Variants in NINJ2 observed in about 807,000 individuals in gnomAD.
The protein encoded by NINJ2 is ninjurin-2.
Under a neutral mutation model 11.7 loss-of-function variants are expected in NINJ2, and 12 were observed. The ratio of observed to expected loss-of-function variants is 1.02; its 90% CI spans 0.66 to 1.66. The LOEUF (loss-of-function observed/expected upper bound fraction) is 1.66, where lower values mean the gene tolerates loss of function less well. Among genes scored for constraint, NINJ2 ranks in the 40% most tolerant of loss-of-function variants. NINJ2 has a pLI of 0.00. For synonymous variants in NINJ2, 93 were observed against 76.8 expected (o/e 1.21, Z -1.10); for missense variants, 187 against 181.8 (o/e 1.03, Z -0.16).
At chr12:627,335 C>T (rs1234942550) in intron 1 of NINJ2, among the ~76,000 whole-genome samples, 1 of 152,178 alleles carries the variant, frequency 6.6e-6, no homozygotes, top group Non-Finnish European at 1.5e-5. Flanking sequence ...CCCTCCCTGC[C>T]TTGCAATCAA....
intron 1 of NINJ2, among the ~76,000 whole-genome samples, chr12:594,504 T>A (rs1947757527): frequency 6.6e-6 from 1 of 152,136 alleles, no homozygotes; most frequent in Non-Finnish European, 1.5e-5. Context: ...ACCAAAGAAC[T>A]GGGCCAGGTG....
At position 580,288 on chromosome 12, in the gene NINJ2, A is replaced by G. The variant is rs1947528262; in HGVS notation, c.34-14110T>C. ...GAGTGCTGAATGAATGAAGGAGTGAATGAATGATGCATTTGTCAGCAGTGC... is the reference window on the plus strand; with the variant it reads ...GAGTGCTGAATGAATGAAGGAGTGAGTGAATGATGCATTTGTCAGCAGTGC... On this transcript the variant is annotated intron_variant, in intron 1 of 3. Transcript: ENST00000305108. This position sits in a 1 kb window ranked among gnomAD's most constrained non-coding sequence, Gnocchi z 4.7. Among the ~76,000 whole-genome samples the G allele has an allele frequency of 6.6e-6, 1 of 152,078 alleles. No homozygotes were observed. Among genetic ancestry groups the G allele is most frequent in the African/African-American group, 2.4e-5 (1 of 41,378 alleles).
At chr12:599,767 T>G (rs1160142793) in intron 1 of NINJ2, among the ~76,000 whole-genome samples, 1 of 152,204 alleles carries the variant, frequency 6.6e-6, no homozygotes, top group Admixed American at 6.5e-5. Context: ...CTTGGCCTAC[T>G]GCCTCTCCTC....
At chr12:616,488 T>C (rs1285631481) in intron 1 of NINJ2, among the ~76,000 whole-genome samples, 2 of 152,180 alleles carry the variant, frequency 1.3e-5, no homozygotes, top group Non-Finnish European at 2.9e-5. Context: ...TGTTTGGAGA[T>C]GGAATCTAGA....
intron 1 of NINJ2, among the ~76,000 whole-genome samples, chr12:575,773 G>T (rs1393174226): frequency 6.6e-6 from 1 of 152,228 alleles, no homozygotes; most frequent in Non-Finnish European, 1.5e-5. Context: ...GGCTCTTTAA[G>T]GGTGGGGCTT....
chr12:610,636 G>A lies in NINJ2; in HGVS notation c.34-44458C>T, dbSNP rs546559022. The A allele has an allele frequency of 3.0e-6, 3 of 985,204 alleles. No homozygotes were observed. In the African/African-American group the frequency reaches 5.2e-5, roughly 17 times the overall value. The allele number at this position is 985,204 out of a possible 1,614,324, so 61.0% of individuals were successfully genotyped here. ...GGGTTACCAGGCAGGGACTTAATAT[G>A]TGGCTCTAGAGTCTGAAGGAGACAA... On this transcript the variant is annotated intron_variant, in intron 1 of 3. Transcript: ENST00000305108.
intron 1 of NINJ2, among the ~76,000 whole-genome samples, chr12:612,303 A>T (rs117243637): frequency 0.047 from 7,126 of 151,556 alleles, 252 homozygotes; most frequent in Non-Finnish European, 0.074. Flanking sequence ...CTAACACAAC[A>T]CTCTGTGGGG....
intron 1 of NINJ2, chr12:586,068 A>C (rs1368959002): frequency 6.6e-6 from 1 of 152,106 alleles, no homozygotes; most frequent in African/African-American, 2.4e-5. Flanking sequence ...AAAAAGGAAC[A>C]TATGGGGCCC....
At position 581,713 on chromosome 12, in the gene NINJ2, C is replaced by T. The variant is rs189328246; in HGVS notation, c.34-15535G>A. ...GGATCTGATCCCACTGCTGACCATC[C>T]AACTCACGCAGCTTCGGTGCTTCCC... On this transcript the variant is annotated intron_variant, in intron 1 of 3. Transcript: ENST00000305108. The surrounding 1 kb of genome is among the most constrained non-coding windows in gnomAD (Gnocchi z 4.9). 1.5e-4 allele frequency among the ~76,000 whole-genome samples: 23 copies of T among 152,246 alleles called. No individual in the cohort carries two copies. The highest frequency in any genetic ancestry group is 2.4e-4 in the Non-Finnish European group (16 of 68,008).
intron 1 of NINJ2, among the ~76,000 whole-genome samples, chr12:631,508 C>T (rs1356929585): frequency 1.3e-5 from 2 of 152,122 alleles, no homozygotes; most frequent in African/African-American, 4.8e-5. Context: ...GGAGTACAGG[C>T]GCGCGCCACC....
chr12:573,624 G>A (rs1007070919), intron 1 of NINJ2, among the ~76,000 whole-genome samples: 5 of 151,976 alleles, frequency 3.3e-5, no homozygotes, highest in African/African-American at 1.2e-4. Context: ...CAAAAAAACA[G>A]ATAAAAAACA....
intron 1 of NINJ2, chr12:645,748 ATACTC>A (rs1270819226): frequency 6.6e-6 from 1 of 152,144 alleles, no homozygotes; most frequent in Non-Finnish European, 1.5e-5. Flanking sequence ...ACACCACCGA[ATACTC>A]TGCTGTGGCG....
chr12:603,888 T>G (rs928337860), intron 1 of NINJ2, among the ~76,000 whole-genome samples: 3 of 152,148 alleles, frequency 2.0e-5, no homozygotes, highest in Non-Finnish European at 4.4e-5. Flanking sequence ...TTCGAACTCC[T>G]GACCTCAAGT....
intron 1 of NINJ2, among the ~76,000 whole-genome samples, chr12:567,113 A>T (rs896534318): frequency 2.0e-5 from 3 of 152,236 alleles, no homozygotes; most frequent in African/African-American, 7.2e-5. Flanking sequence ...GTGAAAAGGA[A>T]CTGAAGTGGA....
chr12:599,881 T>G (rs892567200), intron 1 of NINJ2, among the ~76,000 whole-genome samples: 1 of 152,132 alleles, frequency 6.6e-6, no homozygotes, highest in African/African-American at 2.4e-5. Flanking sequence ...ATTGCCCGTC[T>G]CGGGCACAGG....
intron 1 of NINJ2, among the ~76,000 whole-genome samples, chr12:659,787 T>C (rs1937931722): frequency 6.6e-6 from 1 of 152,212 alleles, no homozygotes; most frequent in Non-Finnish European, 1.5e-5. Flanking sequence ...TTGTGCCATG[T>C]TCAGGGTTTC....
At chr12:586,824 A>C (rs1446528634) in intron 1 of NINJ2, among the ~76,000 whole-genome samples, 2 of 152,062 alleles carry the variant, frequency 1.3e-5, no homozygotes, top group African/African-American at 4.8e-5. Context: ...AGGTGTGGGG[A>C]TCCCTCTGCA....
intron 1 of NINJ2, among the ~76,000 whole-genome samples, chr12:634,554 C>T (rs1174991442): frequency 6.6e-6 from 1 of 152,036 alleles, no homozygotes; most frequent in Non-Finnish European, 1.5e-5. Context: ...CCACCGCGCC[C>T]GGCCTAGTTG....
At chr12:567,203 CATG>C in intron 1 of NINJ2, among the ~76,000 whole-genome samples, 1 of 152,026 alleles carries the variant, frequency 6.6e-6, no homozygotes, top group African/African-American at 2.4e-5. Flanking sequence ...AGCAGATCAC[CATG>C]ACAGGACAGA....
Sources: allele counts gnomAD v4.1 joint callset (sites outside exome capture counted in the v4.1 genomes callset), GRCh38; gene constraint gnomAD v4.1.1; non-coding constraint Gnocchi (gnomAD v3.1); transcripts MANE v1.5; gene names NCBI Gene and HGNC (gene_info 2026-07-23, HGNC 2026-07-21).